The following ERBB4 variants were observed in gnomAD, a reference collection of about 807,000 sequenced individuals.
ERBB4 encodes the protein receptor tyrosine-protein kinase erbB-4.
ERBB4 carries 42 observed loss-of-function variants against 158.0 expected under a neutral mutation model. That is an observed-to-expected ratio of 0.27 (90% confidence interval 0.21 to 0.34). ERBB4 has a LOEUF of 0.34. Ranked by LOEUF, ERBB4 falls within the 10% of genes least tolerant of loss-of-function variation. ERBB4 has a pLI of 1.00. For synonymous variants in ERBB4, 583 were observed against 558.7 expected, an observed-to-expected ratio of 1.04 and a Z score of -0.61; for missense variants, 1,333 against 1,624.1, an observed-to-expected ratio of 0.82 and a Z score of 3.08.
rs529804779 is a variant in ERBB4, at chr2:212,323,805, A to G, written c.83-198902T>C. 1.5e-4 allele frequency among the ~76,000 whole-genome samples: 22 copies of G among 144,728 alleles called. 3 individuals carry two copies. The highest frequency in any genetic ancestry group is 4.5e-4 in the South Asian group (2 of 4,468). The allele number at this position is 144,728 out of a possible 152,430, so 94.9% of individuals were successfully genotyped here. A position where few individuals can be genotyped will look rare whatever the true frequency, so the allele number is the denominator to read the frequency against. Reference sequence around the variant, plus strand: ...AAAGATTTGGTCCCTTTCCCCAGAAAAATGAATATATATGCAGATTGAAAA... The same window carrying G: ...AAAGATTTGGTCCCTTTCCCCAGAAGAATGAATATATATGCAGATTGAAAA... On this transcript the variant is annotated intron_variant, in intron 1 of 27. Coordinates refer to ENST00000342788, the MANE Select transcript of ERBB4 (RefSeq NM_005235.3).
At chr2:212,486,051 A>G (rs1333962962) in intron 1 of ERBB4, among the ~76,000 whole-genome samples, 1 of 152,058 alleles carries the variant, frequency 6.6e-6, no homozygotes, top group African/African-American at 2.4e-5. Context: ...TAATCACACT[A>G]CTACTCAAGA....
chr2:212,536,165 A>G (rs989522343), intron 1 of ERBB4, among the ~76,000 whole-genome samples: 1 of 152,168 alleles, frequency 6.6e-6, no homozygotes, highest in Non-Finnish European at 1.5e-5. Flanking sequence ...GAGACGCGCA[A>G]TATGTATTTA....
chr2:212,381,851 C>T (rs1481537255), intron 1 of ERBB4, among the ~76,000 whole-genome samples: 3 of 151,276 alleles, frequency 2.0e-5, no homozygotes, highest in Non-Finnish European at 4.4e-5. Context: ...CCAGAACTAA[C>T]CTACATTAAA....
At chr2:211,546,638 G>A (rs2066947481) in intron 20 of ERBB4, among the ~76,000 whole-genome samples, 2 of 152,092 alleles carry the variant, frequency 1.3e-5, no homozygotes, top group South Asian at 2.1e-4. Flanking sequence ...CACTAGGTAA[G>A]TATTAGAGGA....
chr2:212,059,163 C>G lies in ERBB4; in HGVS notation c.234+65589G>C, dbSNP rs2125415547. ...ACACCAATAACAGACAATCAGAGAG[C>G]CAAATCATGAGTGAACTCCCATTCA... On this transcript the variant is annotated intron_variant, in intron 2 of 27. Transcript: ENST00000342788. Among the ~76,000 whole-genome samples the G allele has an allele frequency of 1.3e-5, 2 of 152,158 alleles. 1 individual carries two copies. Among genetic ancestry groups the G allele is most frequent in the South Asian group, 4.2e-4 (2 of 4,814 alleles).
At chr2:212,058,592 A>C (rs1173573472) in intron 2 of ERBB4, among the ~76,000 whole-genome samples, 1 of 152,218 alleles carries the variant, frequency 6.6e-6, no homozygotes, top group Non-Finnish European at 1.5e-5. Context: ...CTTATCCACC[A>C]TGATCAAGTG....
At chr2:212,189,170 A>G (rs2082117254) in intron 1 of ERBB4, among the ~76,000 whole-genome samples, 1 of 151,700 alleles carries the variant, frequency 6.6e-6, no homozygotes, top group Admixed American at 6.6e-5. Context: ...TCCAATGAGC[A>G]CTTCCTTTGA....
intron 3 of ERBB4, among the ~76,000 whole-genome samples, chr2:211,816,386 C>T (rs1232924637): frequency 2.0e-5 from 3 of 151,040 alleles, no homozygotes; most frequent in African/African-American, 7.3e-5. Flanking sequence ...ACTAAAATTA[C>T]AAAAATTAGC....
At chr2:212,434,224 A>C (rs904735535) in intron 1 of ERBB4, among the ~76,000 whole-genome samples, 7 of 151,992 alleles carry the variant, frequency 4.6e-5, no homozygotes, top group South Asian at 4.1e-4. Flanking sequence ...AGCATAGTGG[A>C]TATAGTAAAT....
intron 2 of ERBB4, among the ~76,000 whole-genome samples, chr2:212,017,016 A>C (rs2076543924): frequency 6.6e-6 from 1 of 152,112 alleles, no homozygotes; most frequent in Non-Finnish European, 1.5e-5. Flanking sequence ...AATGTCACTA[A>C]AATTTTTTAA....
chr2:212,237,500 A>G (rs951820722), intron 1 of ERBB4, among the ~76,000 whole-genome samples: 6 of 152,126 alleles, frequency 3.9e-5, no homozygotes, highest in African/African-American at 1.4e-4. Context: ...GCACTCCTGT[A>G]TGAGGTGTCT....
At chr2:211,834,667 A>G (rs1188549551) in intron 3 of ERBB4, among the ~76,000 whole-genome samples, 1 of 152,142 alleles carries the variant, frequency 6.6e-6, no homozygotes, top group African/African-American at 2.4e-5. Flanking sequence ...GATGTCATCA[A>G]TATGGAAGTG....
At chr2:212,304,761 A>C (rs930069379) in intron 1 of ERBB4, among the ~76,000 whole-genome samples, 11 of 151,472 alleles carry the variant, frequency 7.3e-5, no homozygotes, top group African/African-American at 2.7e-4. Flanking sequence ...GTAACTAAAA[A>C]AGCTAAAGTT....
At chr2:212,113,013 A>G (rs1415392581) in intron 2 of ERBB4, among the ~76,000 whole-genome samples, 2 of 152,174 alleles carry the variant, frequency 1.3e-5, no homozygotes, top group East Asian at 3.9e-4. Context: ...AGGCCTAAAC[A>G]ATGTGACATA....
At chr2:211,631,023 C>T (rs1304113235) in intron 16 of ERBB4, among the ~76,000 whole-genome samples, 2 of 152,134 alleles carry the variant, frequency 1.3e-5, no homozygotes, top group Non-Finnish European at 2.9e-5. Flanking sequence ...CTGAAGCAGG[C>T]TTTCACAACA....
At chr2:211,676,784 A>C (rs1294512154) in intron 13 of ERBB4, among the ~76,000 whole-genome samples, 1 of 147,350 alleles carries the variant, frequency 6.8e-6, no homozygotes, top group Non-Finnish European at 1.5e-5. Flanking sequence ...TCACTTAATG[A>C]AATTAGTCTA....
At position 212,501,800 on chromosome 2, in the gene ERBB4, T is replaced by A. The variant is rs116367953; in HGVS notation, c.82+36649A>T. 9.7e-3 allele frequency among the ~76,000 whole-genome samples: 1,481 copies of A among 152,200 alleles called. 8 individuals are homozygous for A. The highest frequency in any genetic ancestry group is 0.016 in the Non-Finnish European group (1,065 of 68,002). Reference sequence around the variant, plus strand: ...GTGATGATAAGATGTTATGTTTCAATACAAAGACAAACTCCATAATAAATC... The same window carrying A: ...GTGATGATAAGATGTTATGTTTCAAAACAAAGACAAACTCCATAATAAATC... On this transcript the variant is annotated intron_variant, in intron 1 of 27. Coordinates refer to ENST00000342788, the MANE Select transcript of ERBB4 (RefSeq NM_005235.3).
chr2:211,457,022 T>A (rs1269400630), intron 20 of ERBB4, among the ~76,000 whole-genome samples: 1 of 152,224 alleles, frequency 6.6e-6, no homozygotes, highest in African/African-American at 2.4e-5. Flanking sequence ...TATGAAGCAC[T>A]TATAAATATA....
intron 2 of ERBB4, among the ~76,000 whole-genome samples, chr2:212,058,596 T>C (rs1467348922): frequency 6.6e-6 from 1 of 152,120 alleles, no homozygotes; most frequent in Non-Finnish European, 1.5e-5. Context: ...TCCACCATGA[T>C]CAAGTGGGCT....
Sources: allele counts gnomAD v4.1 joint callset (sites outside exome capture counted in the v4.1 genomes callset), GRCh38; gene constraint gnomAD v4.1.1; transcripts MANE v1.5; gene names NCBI Gene and HGNC (gene_info 2026-07-23, HGNC 2026-07-21).